CDH13: variants seen among roughly 807,000 people sequenced by gnomAD.
CDH13 encodes the protein cadherin-13.
In CDH13, 24 loss-of-function variants were observed where a neutral mutation model predicts 63.8. That is an observed-to-expected ratio of 0.38 (90% confidence interval 0.27 to 0.53). The LOEUF (loss-of-function observed/expected upper bound fraction) is 0.53, where lower values mean the gene tolerates loss of function less well. Ranked by LOEUF, CDH13 falls within the 20% of genes least tolerant of loss-of-function variation. The probability of loss-of-function intolerance (pLI) is 0.85; values close to 1 mark genes in which losing one functional copy is unlikely to be tolerated. For synonymous variants in CDH13, 503 were observed against 355.3 expected (o/e 1.42, Z -4.67); for missense variants, 1,049 against 903.1 (o/e 1.16, Z -2.07).
intron 6 of CDH13, among the ~76,000 whole-genome samples, chr16:83,482,656 C>T (rs2073797937): frequency 6.6e-6 from 1 of 152,222 alleles, no homozygotes; most frequent in African/African-American, 2.4e-5. Context: ...CCAAGCATTG[C>T]ACTCAGCAGA....
intron 4 of CDH13, among the ~76,000 whole-genome samples, chr16:83,179,170 G>C (rs1004297023): frequency 2.6e-5 from 4 of 152,078 alleles, no homozygotes; most frequent in African/African-American, 7.2e-5. Context: ...GGAGTTCAGG[G>C]ATTCCAGGAA....
chr16:83,361,483 C>T (rs1483300332), intron 6 of CDH13, among the ~76,000 whole-genome samples: 1 of 152,162 alleles, frequency 6.6e-6, no homozygotes, highest in Non-Finnish European at 1.5e-5. Context: ...CTTTTGAGAA[C>T]TTAGCCATAA....
intron 4 of CDH13, among the ~76,000 whole-genome samples, chr16:83,142,653 G>A (rs1187178811): frequency 6.6e-6 from 1 of 152,156 alleles, no homozygotes; most frequent in Non-Finnish European, 1.5e-5. Flanking sequence ...TGATTATGCA[G>A]CAAACCCCAA....
At chr16:83,530,589 G>T (rs1368159713) in intron 7 of CDH13, among the ~76,000 whole-genome samples, 1 of 152,144 alleles carries the variant, frequency 6.6e-6, no homozygotes, top group East Asian at 1.9e-4. Flanking sequence ...CAGCACCCAG[G>T]CTTTCACATC....
At chr16:83,313,414 A>G (rs1179047204) in intron 5 of CDH13, among the ~76,000 whole-genome samples, 1 of 152,222 alleles carries the variant, frequency 6.6e-6, no homozygotes, top group Non-Finnish European at 1.5e-5. Context: ...CATAAGCATC[A>G]TGCCCCTAAA....
chr16:83,705,305 T>C (rs1267959216), intron 10 of CDH13, among the ~76,000 whole-genome samples: 1 of 152,126 alleles, frequency 6.6e-6, no homozygotes, highest in East Asian at 1.9e-4. Context: ...ACCAAGCTTT[T>C]TGAGAATTTT....
chr16:83,299,292 G>GAAAAAAAAA (rs11308841), intron 5 of CDH13, among the ~76,000 whole-genome samples: 1 of 143,280 alleles, frequency 7.0e-6, no homozygotes, highest in Non-Finnish European at 1.5e-5. Context: ...ATCAGGCCAT[G>GAAAAAAAAA]AAAAAAAAAA....
At chr16:82,759,555 A>G (rs2034749696) in intron 1 of CDH13, among the ~76,000 whole-genome samples, 1 of 150,274 alleles carries the variant, frequency 6.7e-6, no homozygotes, top group African/African-American at 2.4e-5. Flanking sequence ...TGTATAATAT[A>G]ACATGAATAT....
chr16:82,627,794 C>G (rs1907519126), intron 1 of CDH13, among the ~76,000 whole-genome samples: 1 of 152,178 alleles, frequency 6.6e-6, no homozygotes, highest in Non-Finnish European at 1.5e-5. Flanking sequence ...CCGAAAGGGC[C>G]GGAGCGTGTC....
chr16:83,058,095 A>C (rs1431628651), intron 3 of CDH13, among the ~76,000 whole-genome samples: 1 of 152,254 alleles, frequency 6.6e-6, no homozygotes, highest in South Asian at 2.1e-4. Flanking sequence ...TCTTAAAAAT[A>C]TAAATCGTTA....
intron 1 of CDH13, among the ~76,000 whole-genome samples, chr16:82,853,224 T>C (rs1053304903): frequency 3.3e-5 from 5 of 152,192 alleles, no homozygotes; most frequent in Non-Finnish European, 5.9e-5. Context: ...GATCCTGAGA[T>C]GCAAACACCC....
At chr16:83,201,922 A>G (rs1224773151) in intron 4 of CDH13, among the ~76,000 whole-genome samples, 1 of 152,052 alleles carries the variant, frequency 6.6e-6, no homozygotes, top group Admixed American at 6.5e-5. Flanking sequence ...CTCAAAAATA[A>G]ATAAAAAAGA....
At chr16:83,130,557 A>G (rs2036000374) in intron 4 of CDH13, among the ~76,000 whole-genome samples, 1 of 152,254 alleles carries the variant, frequency 6.6e-6, no homozygotes, top group African/African-American at 2.4e-5. Context: ...TGATAAAGGA[A>G]GTATATTAAA....
At chr16:83,013,524 C>G (rs1914370747) in intron 2 of CDH13, among the ~76,000 whole-genome samples, 1 of 152,196 alleles carries the variant, frequency 6.6e-6, no homozygotes, top group East Asian at 1.9e-4. Flanking sequence ...GTACACACCT[C>G]AAACCCCAAT....
At chr16:83,329,105 A>T (rs577685943) in intron 5 of CDH13, among the ~76,000 whole-genome samples, 1 of 152,352 alleles carries the variant, frequency 6.6e-6, no homozygotes, top group East Asian at 1.9e-4. Flanking sequence ...TATCAGAATT[A>T]TGTGGGATGA....
chr16:83,351,317 T>A (rs941498785), intron 6 of CDH13, among the ~76,000 whole-genome samples: 94 of 151,228 alleles, frequency 6.2e-4, no homozygotes, highest in African/African-American at 1.7e-3. Context: ...ATATATTTTT[T>A]AAAAAATAAA....
At chr16:83,360,957 T>G (rs1340343607) in intron 6 of CDH13, among the ~76,000 whole-genome samples, 1 of 152,204 alleles carries the variant, frequency 6.6e-6, no homozygotes, top group Non-Finnish European at 1.5e-5. Flanking sequence ...TATTTTATTT[T>G]GGATATATAC....
At position 83,556,211 on chromosome 16, in the gene CDH13, A is replaced by G. The variant is rs558077625; in HGVS notation, c.961-46243A>G. The stretch of plus-strand genomic sequence containing the variant: ...GGTCTAGCATCAAATCAGATAAACT[A>G]TCATTTTTAATTATTGTTATTTTGA... On this transcript the variant is annotated intron_variant, in intron 7 of 13. Coordinates refer to ENST00000567109, the MANE Select transcript of CDH13 (RefSeq NM_001257.5). Among the ~76,000 whole-genome samples the G allele has an allele frequency of 5.3e-5, 8 of 152,354 alleles. 1 individual carries two copies. The South Asian group carries it at 1.7e-3, about 32-fold the overall frequency.
chr16:82,840,915 G>C (rs895857736), intron 1 of CDH13, among the ~76,000 whole-genome samples: 1 of 152,142 alleles, frequency 6.6e-6, no homozygotes, highest in African/African-American at 2.4e-5. Flanking sequence ...GCTTGGCAAG[G>C]TCAGAAAGTT....
Sources: allele counts gnomAD v4.1 joint callset (sites outside exome capture counted in the v4.1 genomes callset), GRCh38; gene constraint gnomAD v4.1.1; transcripts MANE v1.5; gene names NCBI Gene and HGNC (gene_info 2026-07-23, HGNC 2026-07-21).